GSE1: variants seen among roughly 807,000 people sequenced by gnomAD.
The protein encoded by GSE1 is Gse1 coiled-coil protein, also known as genetic suppressor element 1.
Under a neutral mutation model 112.6 loss-of-function variants are expected in GSE1, and 32 were observed. The ratio of observed to expected loss-of-function variants is 0.28; its 90% CI spans 0.21 to 0.38. The LOEUF (loss-of-function observed/expected upper bound fraction) is 0.38, where lower values mean the gene tolerates loss of function less well. GSE1 is among the 10% of genes least tolerant of loss of function. The pLI is 1.00. For synonymous variants in GSE1, 1,115 were observed against 735.6 expected (o/e 1.52, Z -8.35); for missense variants, 2,348 against 1,699.2 (o/e 1.38, Z -6.71).
At chr16:85,629,681 C>G (rs908703391) in intron 1 of GSE1, among the ~76,000 whole-genome samples, 2 of 152,170 alleles carry the variant, frequency 1.3e-5, no homozygotes, top group Non-Finnish European at 2.9e-5. Context: ...GTGGCTGGCT[C>G]TCTGAGGAAT....
intron 1 of GSE1, among the ~76,000 whole-genome samples, chr16:85,572,254 C>G (rs1397606810): frequency 6.7e-6 from 1 of 148,552 alleles, no homozygotes; most frequent in Non-Finnish European, 1.5e-5. Flanking sequence ...CCACACCACA[C>G]ACAACCACAC....
chr16:85,398,433 G>A (rs1385786724), intron 2 of GSE1, among the ~76,000 whole-genome samples: 4 of 152,010 alleles, frequency 2.6e-5, no homozygotes, highest in Admixed American at 6.6e-5. Context: ...GTCCAGTACC[G>A]CCTGTCTGCT....
intron 1 of GSE1, among the ~76,000 whole-genome samples, chr16:85,271,995 C>T (rs34216474): frequency 0.069 from 10,465 of 152,274 alleles, 539 homozygotes; most frequent in East Asian, 0.26. Context: ...CCTTCCAAAC[C>T]ACTGTGTCAC....
At chr16:85,201,068 G>A (rs1416077382) in intron 1 of GSE1, among the ~76,000 whole-genome samples, 4 of 152,110 alleles carry the variant, frequency 2.6e-5, no homozygotes, top group Admixed American at 2.0e-4. Flanking sequence ...AAACCCTTGG[G>A]ACTAGAGGTG....
At chr16:85,253,291 C>T (rs905410946) in intron 1 of GSE1, among the ~76,000 whole-genome samples, 3 of 152,172 alleles carry the variant, frequency 2.0e-5, no homozygotes, top group Admixed American at 1.3e-4. Context: ...TCTGCAACCC[C>T]GCTTGCTTGG....
intron 1 of GSE1, among the ~76,000 whole-genome samples, chr16:85,625,222 G>C (rs755034806): frequency 6.6e-6 from 1 of 152,130 alleles, no homozygotes; most frequent in African/African-American, 2.4e-5. Flanking sequence ...TCATCTGCCC[G>C]GCCTGCTTCT....
intron 2 of GSE1, among the ~76,000 whole-genome samples, chr16:85,507,665 T>C (rs1025866673): frequency 1.3e-5 from 2 of 152,144 alleles, no homozygotes; most frequent in African/African-American, 2.4e-5. Context: ...TCCACACCTC[T>C]TCTTCTTATG....
intron 3 of GSE1, among the ~76,000 whole-genome samples, chr16:85,651,046 G>A (rs1419137071): frequency 1.7e-4 from 6 of 35,640 alleles, no homozygotes; most frequent in Non-Finnish European, 2.3e-4. Flanking sequence ...CTCCCCCTCC[G>A]CCCCTCCTCC....
intron 1 of GSE1, among the ~76,000 whole-genome samples, chr16:85,628,019 C>T (rs890691386): frequency 2.6e-5 from 4 of 152,182 alleles, no homozygotes; most frequent in Non-Finnish European, 2.9e-5. Context: ...AAGTGATCCC[C>T]ACCAGGCCTG....
At chr16:85,654,159 A>G (rs1271929849) in intron 3 of GSE1, 119 bp from the exon 4 acceptor site, 3 of 892,892 alleles carry the variant, frequency 3.4e-6, no homozygotes, top group Non-Finnish European at 5.1e-6. Context: ...TAGGGAAAGG[A>G]TGTTTCTAGA....
intron 1 of GSE1, chr16:85,579,928 G>A (rs957041865): frequency 5.9e-5 from 9 of 152,216 alleles, no homozygotes; most frequent in Admixed American, 4.6e-4. Flanking sequence ...GAGGAACCAG[G>A]GCTAAACTGA....
At chr16:85,653,649 C>T (rs1293805732) in intron 3 of GSE1, among the ~76,000 whole-genome samples, 1 of 152,036 alleles carries the variant, frequency 6.6e-6, no homozygotes, top group Non-Finnish European at 1.5e-5. Context: ...CCCCAGCTGG[C>T]CAGTCAGGGC....
At chr16:85,427,557 G>A (rs1262435569) in intron 2 of GSE1, among the ~76,000 whole-genome samples, 8 of 152,180 alleles carry the variant, frequency 5.3e-5, no homozygotes, top group Non-Finnish European at 2.9e-5. Context: ...CAGGAGAATC[G>A]CTTGAACTCG....
intron 1 of GSE1, among the ~76,000 whole-genome samples, chr16:85,614,891 C>G (rs560653674): frequency 1.3e-5 from 2 of 152,302 alleles, no homozygotes; most frequent in African/African-American, 4.8e-5. Flanking sequence ...AAAGGCCCAG[C>G]CGCACTCCGG....
At chr16:85,592,938 T>C (rs1238957939) in intron 1 of GSE1, 2 of 152,400 alleles carry the variant, frequency 1.3e-5, no homozygotes, top group South Asian at 2.1e-4. Context: ...GACTCCCTCA[T>C]GGCTGCCTCT....
chr16:85,169,949 A>T, exon 1 of GSE1: 1 of 984,432 alleles, frequency 1.0e-6, no homozygotes, highest in Non-Finnish European at 1.2e-6. Context: ...AACGTCGCCT[A>T]CGCGCTGGGC....
chr16:85,263,676 G>A (rs1400880869), intron 1 of GSE1, among the ~76,000 whole-genome samples: 12 of 151,806 alleles, frequency 7.9e-5, no homozygotes, highest in Middle Eastern at 3.2e-3. Flanking sequence ...GGGTTGAAGC[G>A]ATTCTCCCGC....
intron 2 of GSE1, among the ~76,000 whole-genome samples, chr16:85,376,918 G>C (rs918030879): frequency 6.6e-6 from 1 of 152,232 alleles, no homozygotes; most frequent in South Asian, 2.1e-4. Flanking sequence ...ACCCGGCCCC[G>C]CGTTACCCGA....
At chr16:85,338,985 G>A (rs190210532) in intron 1 of GSE1, among the ~76,000 whole-genome samples, 88 of 152,240 alleles carry the variant, frequency 5.8e-4, no homozygotes, top group Admixed American at 5.4e-3. Flanking sequence ...CGTCGGTTTC[G>A]GTGTTGGGGC....
Sources: gnomAD v4.1 joint callset for allele counts (sites outside exome capture counted in the v4.1 genomes callset) on GRCh38, gnomAD v4.1.1 for gene constraint, MANE v1.5 for transcripts, NCBI Gene and HGNC (gene_info 2026-07-23, HGNC 2026-07-21) for gene names.